SKIC3: variants seen among roughly 807,000 people sequenced by gnomAD.
SKIC3 encodes the protein superkiller complex protein 3.
chr5:95,541,910 A>T, the SKIC3 span: 1 of 1,585,626 alleles, frequency 6.3e-7, no homozygotes, highest in Non-Finnish European at 8.7e-7. Context: ...CTAACCCCTA[A>T]AAGAAGAAGT....
the SKIC3 span, chr5:95,494,801 A>C: frequency 2.5e-5 from 41 of 1,613,426 alleles, no homozygotes; most frequent in African/African-American, 5.3e-4. Context: ...CTTCTAAATA[A>C]GAGAAAAGAT....
the SKIC3 span, among the ~76,000 whole-genome samples, chr5:95,467,108 C>T: frequency 4.6e-5 from 7 of 152,116 alleles, no homozygotes; most frequent in Non-Finnish European, 7.4e-5. Context: ...ATCAGCAGTT[C>T]GCAACTCTTT....
At chr5:95,501,145 A>G in the SKIC3 span, among the ~76,000 whole-genome samples, 2 of 152,186 alleles carry the variant, frequency 1.3e-5, no homozygotes. Context: ...ATAAATTTCA[A>G]TATTGATAAC....
chr5:95,529,030 G>T, the SKIC3 span: 1 of 1,613,716 alleles, frequency 6.2e-7, no homozygotes, highest in Non-Finnish European at 8.5e-7. Flanking sequence ...AGCTTCTTTA[G>T]GTCTATGCAT....
the SKIC3 span, chr5:95,494,790 C>T: frequency 6.2e-7 from 1 of 1,613,532 alleles, no homozygotes. Flanking sequence ...TACAGTAATG[C>T]CTTCTAAATA....
At chr5:95,491,871 TCA>T in the SKIC3 span, among the ~76,000 whole-genome samples, 1 of 152,294 alleles carries the variant, frequency 6.6e-6, no homozygotes, top group East Asian at 1.9e-4. Context: ...TTTTAATATC[TCA>T]CAAGGGGGTG....
chr5:95,469,855 GC>G, the SKIC3 span: 1 of 1,614,144 alleles, frequency 6.2e-7, no homozygotes, highest in Non-Finnish European at 8.5e-7. Flanking sequence ...AAGCTTCAAG[GC>G]CTCAGTTGTA....
the SKIC3 span, chr5:95,516,804 T>C: frequency 6.3e-7 from 1 of 1,587,138 alleles, no homozygotes; most frequent in Non-Finnish European, 8.6e-7. Context: ...GCAGCATGTA[T>C]ATCAAGATAT....
the SKIC3 span, among the ~76,000 whole-genome samples, chr5:95,531,480 T>G: frequency 6.6e-6 from 1 of 152,164 alleles, no homozygotes; most frequent in Non-Finnish European, 1.5e-5. Flanking sequence ...TAAATATGAA[T>G]TCCAAAAATA....
chr5:95,472,715 T>A, the SKIC3 span, among the ~76,000 whole-genome samples: 1 of 152,164 alleles, frequency 6.6e-6, no homozygotes, highest in Non-Finnish European at 1.5e-5. Context: ...TGCACCCAGT[T>A]AGGGAGCATA....
At chr5:95,489,562 TGCTA>T in the SKIC3 span, among the ~76,000 whole-genome samples, 4 of 143,294 alleles carry the variant, frequency 2.8e-5, no homozygotes, top group Non-Finnish European at 6.1e-5. Flanking sequence ...ACAACTGACA[TGCTA>T]ACAAAGAAGA....
At chr5:95,544,753 G>A in the SKIC3 span, among the ~76,000 whole-genome samples, 111 of 152,252 alleles carry the variant, frequency 7.3e-4, no homozygotes, top group Middle Eastern at 3.4e-3. Flanking sequence ...TGATGACCAG[G>A]TTTTCAGAAT....
the SKIC3 span, among the ~76,000 whole-genome samples, chr5:95,504,839 A>T: frequency 2.7e-5 from 4 of 150,302 alleles, no homozygotes; most frequent in South Asian, 8.4e-4. Context: ...CGTCTCTAAT[A>T]AAAAAAAATA....
the SKIC3 span, among the ~76,000 whole-genome samples, chr5:95,475,116 T>C: frequency 3.0e-4 from 46 of 152,204 alleles, 1 homozygote; most frequent in Admixed American, 2.8e-3. Flanking sequence ...TCACTTCAGA[T>C]TGGTTAAGAA....
the SKIC3 span, chr5:95,543,397 G>A: frequency 6.5e-7 from 1 of 1,535,876 alleles, no homozygotes; most frequent in Non-Finnish European, 9.0e-7. Context: ...ATAACAGAAA[G>A]TCTAGCATGA....
At chr5:95,536,446 C>G in the SKIC3 span, 28 of 240,300 alleles carry the variant, frequency 1.2e-4, no homozygotes, top group South Asian at 1.6e-3. Context: ...AACAAGCAAA[C>G]CTATTTTACC....
At chr5:95,498,793 A>T in the SKIC3 span, among the ~76,000 whole-genome samples, 1 of 151,878 alleles carries the variant, frequency 6.6e-6, no homozygotes, top group Non-Finnish European at 1.5e-5. Context: ...GCCCGGCTAA[A>T]TTTTTGTATT....
At chr5:95,523,580 T>C in the SKIC3 span, 12 of 1,494,146 alleles carry the variant, frequency 8.0e-6, no homozygotes, top group Non-Finnish European at 1.0e-5. Context: ...CTTTCAAGTA[T>C]ACATATATAA....
At chr5:95,470,686 TAAATC>T in the SKIC3 span, among the ~76,000 whole-genome samples, 2 of 152,120 alleles carry the variant, frequency 1.3e-5, no homozygotes, top group Admixed American at 1.3e-4. Context: ...ATAAAGGTAT[TAAATC>T]AAAGTAATCA....
Sources: gnomAD v4.1 joint callset for allele counts (sites outside exome capture counted in the v4.1 genomes callset) on GRCh38, gnomAD v4.1.1 for gene constraint, MANE v1.5 for transcripts, NCBI Gene and HGNC (gene_info 2026-07-23, HGNC 2026-07-21) for gene names.